The following DNAH7 variants were observed in gnomAD, a reference collection of about 807,000 sequenced individuals.
DNAH7 encodes axonemal beta dynein heavy chain 7.
In DNAH7, 397 loss-of-function variants were observed where a neutral mutation model predicts 444.6. That is an observed-to-expected ratio of 0.89 (90% CI 0.82 to 0.97). The LOEUF (loss-of-function observed/expected upper bound fraction) is 0.97. Among genes scored for constraint, DNAH7 ranks in the 50% least tolerant of loss-of-function variants. The pLI is 0.00. For synonymous variants in DNAH7, 1,636 were observed against 1,624.4 expected, an observed-to-expected ratio of 1.01 and a Z score of -0.17; for missense variants, 4,902 against 4,800.8, an observed-to-expected ratio of 1.02 and a Z score of -0.62.
At chr2:195,892,644 T>C (rs1702080199) in intron 30 of DNAH7, 1 of 152,148 alleles carries the variant, frequency 6.6e-6, no homozygotes, top group Middle Eastern at 3.2e-3. Flanking sequence ...GATGAATTCA[T>C]ATTAATGCAT....
chr2:195,861,902 C>A lies in DNAH7; in HGVS notation c.7551G>T (p.Leu2517Phe), dbSNP rs777987730. ...DALQAVASRFLEEIEMSEEIR... is the reference protein window; with the variant it reads ...DALQAVASRFFEEIEMSEEIR... Reference sequence around the variant, plus strand: ...TTTCCTCTGACATTTCAATTTCTTCCAAGAATCGTGAGGCAACTGCCTGGA... The same window carrying A: ...TTTCCTCTGACATTTCAATTTCTTCAAAGAATCGTGAGGCAACTGCCTGGA... The change falls in exon 42 of 65, where the codon TTG (leucine) becomes TTT (phenylalanine). Residue 2517 changes from leucine to phenylalanine, a missense_variant. Physicochemically the swap from Leu to Phe is conservative, Grantham distance 22 (BLOSUM62 0). Coordinates refer to ENST00000312428, the MANE Select transcript of DNAH7 (RefSeq NM_018897.3). 1.4e-4 allele frequency: 226 copies of A among 1,613,758 alleles called. No homozygotes were observed. The highest frequency in any genetic ancestry group is 1.7e-4 in the Non-Finnish European group (202 of 1,179,888).
At chr2:196,068,578 G>T in intron 1 of DNAH7, 119 bp downstream of exon 1, 1 of 1,347,256 alleles carries the variant, frequency 7.4e-7, no homozygotes, top group South Asian at 1.4e-5. Context: ...GGTGAAGGAA[G>T]CTGTACACCG....
chr2:196,053,188 G>A (rs1326970343), intron 2 of DNAH7, among the ~76,000 whole-genome samples: 2 of 152,224 alleles, frequency 1.3e-5, no homozygotes, highest in Non-Finnish European at 2.9e-5. Context: ...CAGAGGTTAT[G>A]TTTGAATAGG....
Position 195,888,503 on chromosome 2 carries a change from G to A in DNAH7, c.5230-69C>T, listed in dbSNP as rs557158719. ...AAAATAAATATGATTTGGCACCTCT[G>A]TTTTTTTATAACCTTCAGCAAAGTC... On this transcript the variant is annotated intron_variant, in intron 32 of 64. Coordinates refer to ENST00000312428, the MANE Select transcript of DNAH7 (RefSeq NM_018897.3). The A allele has an allele frequency of 5.0e-4, 726 of 1,449,788 alleles. 1 individual carries two copies. The highest frequency in any genetic ancestry group is 3.9e-3 in the South Asian group (290 of 73,642). 89.8% of individuals were successfully genotyped at this position (1,449,788 alleles called of 1,614,324 possible). A position where few individuals can be genotyped will look rare whatever the true frequency, so the allele number is the denominator to read the frequency against.
chr2:195,837,379 A>C (rs1026860515), intron 47 of DNAH7, among the ~76,000 whole-genome samples: 14 of 152,198 alleles, frequency 9.2e-5, no homozygotes, highest in African/African-American at 3.4e-4. Flanking sequence ...TCTTTCACTG[A>C]TTACATCTAA....
chr2:195,777,836 G>A lies in DNAH7; in HGVS notation c.11028C>T (p.Asp3676=). The change falls in exon 59 of 65, where the codon GAC becomes GAT. Residue 3676 remains aspartate (D), a synonymous_variant. Coordinates refer to ENST00000312428, the MANE Select transcript of DNAH7 (RefSeq NM_018897.3). ...GAGGAACAAAATAGATGCCACTTGA[G>A]TCGAACTTATAGTCTGAATTTTCAA... The part of the protein sequence containing the change: ...ELVENSDYKF[D]SSGIYFVPPS... 6.2e-7 allele frequency: 1 copy of A among 1,613,812 alleles called. No individual in the cohort carries two copies.
intron 19 of DNAH7, among the ~76,000 whole-genome samples, chr2:195,938,719 T>C (rs992952745): frequency 7.9e-5 from 12 of 152,142 alleles, no homozygotes; most frequent in African/African-American, 2.9e-4. Context: ...TCAGGTAAAC[T>C]TTTTTTATTA....
At chr2:195,957,519 C>T (rs185023652) in intron 18 of DNAH7, 72 bp from the exon 19 acceptor site, 2 of 1,262,460 alleles carry the variant, frequency 1.6e-6, no homozygotes, top group Non-Finnish European at 2.1e-6. Flanking sequence ...AAATTCAAAC[C>T]ACAACTAGGT....
At chr2:195,789,904 T>G (rs1695797677) in intron 57 of DNAH7, among the ~76,000 whole-genome samples, 1 of 152,174 alleles carries the variant, frequency 6.6e-6, no homozygotes, top group Non-Finnish European at 1.5e-5. Flanking sequence ...GCTGACAATA[T>G]GATTCTATAC....
intron 57 of DNAH7, among the ~76,000 whole-genome samples, chr2:195,794,013 G>C (rs1696019057): frequency 6.6e-6 from 1 of 152,148 alleles, no homozygotes; most frequent in Non-Finnish European, 1.5e-5. Flanking sequence ...ACAAGGCTCA[G>C]TTAATATCCT....
rs144714764 is a variant in DNAH7, at chr2:195,908,537, T to C, written c.4104+1490A>G. Among the ~76,000 whole-genome samples the C allele has an allele frequency of 3.7e-3, 562 of 152,292 alleles. 1 individual carries two copies. Among genetic ancestry groups the C allele is most frequent in the Non-Finnish European group, 6.3e-3 (430 of 68,016 alleles). ...GAGTGAGAACATGGGATATTTGACT[T>C]TCTGTGCCTGGCTTGTTTCATTTAA... is the stretch of plus-strand genomic sequence containing the variant. On this transcript the variant is annotated intron_variant, in intron 25 of 64. Coordinates refer to ENST00000312428, the MANE Select transcript of DNAH7 (RefSeq NM_018897.3).
rs1302441388 is a variant in DNAH7, at chr2:195,806,795, T to A, written c.10121A>T (p.Asp3374Val). The change falls in exon 54 of 65, where the codon GAT becomes GTT. Residue 3374 changes from aspartate to valine, a missense_variant. Asp to Val is a radical substitution (Grantham distance 152). Coordinates refer to ENST00000312428, the MANE Select transcript of DNAH7 (RefSeq NM_018897.3). ...CATCCTTTGAAACTCATTTGCTTTA[T>A]CTTCCCATTCTTCAGGGAAAACCTC... ...HHEVFPEEWE[D>V]KANEFQRMLI... 3.1e-6 allele frequency: 5 copies of A among 1,613,686 alleles called. No homozygotes were observed. Among genetic ancestry groups the A allele is most frequent in the African/African-American group, 1.3e-5 (1 of 75,050 alleles).
rs1473588571 is a variant in DNAH7, at chr2:195,881,058, TCTCTGCCTC to T, written c.5961+728_5961+736del. Among the ~76,000 whole-genome samples the T allele has an allele frequency of 3.3e-5, 5 of 152,204 alleles. No homozygotes were observed. The East Asian group carries it at 5.8e-4, about 18-fold the overall frequency. ...GATTTAAATTCTCAGTGAAAATGTA[TCTCTGCCTC>T]CTCTTGGATACTCCCATACATGCAA... On this transcript the variant is annotated intron_variant, in intron 36 of 64. Coordinates refer to ENST00000312428, the MANE Select transcript of DNAH7 (RefSeq NM_018897.3).
chr2:195,958,937 CAT>C (rs1228442687), intron 18 of DNAH7, among the ~76,000 whole-genome samples: 3 of 152,096 alleles, frequency 2.0e-5, no homozygotes, highest in Non-Finnish European at 4.4e-5. Context: ...TCAGAGATAA[CAT>C]AGTCATAAGG....
chr2:196,028,772 A>C (rs1695849775), intron 5 of DNAH7, among the ~76,000 whole-genome samples: 1 of 152,172 alleles, frequency 6.6e-6, no homozygotes, highest in African/African-American at 2.4e-5. Flanking sequence ...TCTAAAATGG[A>C]TACAGGTCAG....
chr2:195,882,091 T>C, intron 35 of DNAH7, 99 bp from the exon 36 acceptor site: 1 of 896,616 alleles, frequency 1.1e-6, no homozygotes, highest in South Asian at 1.7e-5. Context: ...CAACAAACCC[T>C]GATATGTATA....
chr2:195,944,416 C>T (rs539018091), intron 19 of DNAH7, among the ~76,000 whole-genome samples: 34 of 152,064 alleles, frequency 2.2e-4, no homozygotes, highest in Admixed American at 5.9e-4. Context: ...GGTAAGTGCA[C>T]CCATATCAAC....
chr2:196,057,714 T>C (rs1234445993), intron 2 of DNAH7, among the ~76,000 whole-genome samples: 2 of 152,222 alleles, frequency 1.3e-5, no homozygotes, highest in African/African-American at 4.8e-5. Flanking sequence ...AATTAATATT[T>C]GAATTGAAAC....
At chr2:195,807,274 A>G (rs1413751077) in intron 53 of DNAH7, among the ~76,000 whole-genome samples, 1 of 151,806 alleles carries the variant, frequency 6.6e-6, no homozygotes, top group African/African-American at 2.4e-5. Flanking sequence ...CTCCTGCCTC[A>G]GCCTCCTGAG....
Sources: gnomAD v4.1 joint callset for allele counts (sites outside exome capture counted in the v4.1 genomes callset) on GRCh38, gnomAD v4.1.1 for gene constraint, MANE v1.5 for transcripts, NCBI Gene and HGNC (gene_info 2026-07-23, HGNC 2026-07-21) for gene names.